The following ZDHHC21 variants were observed in gnomAD, a reference collection of about 807,000 sequenced individuals.
The protein encoded by ZDHHC21 is palmitoyltransferase ZDHHC21.
ZDHHC21 carries 15 observed loss-of-function variants against 34.6 expected under a neutral mutation model. That is an observed-to-expected ratio of 0.43 (90% CI 0.29 to 0.67). The LOEUF is 0.67. Among genes scored for constraint, ZDHHC21 ranks in the 30% least tolerant of loss-of-function variants. ZDHHC21 has a pLI of 0.14. For missense variants in ZDHHC21, 344 were observed against 327.7 expected (o/e 1.05, Z -0.38); for synonymous variants, 142 against 101.8 (o/e 1.40, Z -2.38).
At chr9:14,653,320 AC>A (rs1831590530) in intron 7 of ZDHHC21, among the ~76,000 whole-genome samples, 3 of 151,996 alleles carry the variant, frequency 2.0e-5, no homozygotes, top group Admixed American at 6.6e-5. Flanking sequence ...AGAATATTCC[AC>A]CATAAAACAT....
At chr9:14,643,913 G>A (rs555200772) in intron 7 of ZDHHC21, among the ~76,000 whole-genome samples, 125 of 152,258 alleles carry the variant, frequency 8.2e-4, no homozygotes, top group South Asian at 1.9e-3. Flanking sequence ...TTTGTAATAA[G>A]TCTCAATACC....
At chr9:14,590,984 T>C in the ZDHHC21 span, among the ~76,000 whole-genome samples, 1 of 151,958 alleles carries the variant, frequency 6.6e-6, no homozygotes, top group East Asian at 1.9e-4. Context: ...AAGGGGGAAA[T>C]AGAAGCAAAA....
chr9:14,598,589 A>G, the ZDHHC21 span, among the ~76,000 whole-genome samples: 3 of 152,200 alleles, frequency 2.0e-5, no homozygotes, highest in African/African-American at 7.2e-5. Context: ...ATGATTCTCC[A>G]TCAAAAGATT....
At chr9:14,688,460 GC>G (rs1370130290) in intron 2 of ZDHHC21, among the ~76,000 whole-genome samples, 6 of 150,846 alleles carry the variant, frequency 4.0e-5, no homozygotes, top group African/African-American at 1.5e-4. Context: ...GCCTGCTCTT[GC>G]CTGTGATCAT....
chr9:14,678,764 T>C (rs1836862048), intron 3 of ZDHHC21, among the ~76,000 whole-genome samples: 1 of 152,132 alleles, frequency 6.6e-6, no homozygotes, highest in South Asian at 2.1e-4. Context: ...ACAATCTAAA[T>C]GTCCATGTAG....
intron 5 of ZDHHC21, among the ~76,000 whole-genome samples, chr9:14,669,929 C>T (rs1464731441): frequency 6.8e-6 from 1 of 147,854 alleles, no homozygotes; most frequent in Admixed American, 6.7e-5. Context: ...GGGTGCAGTG[C>T]ACCAGCATGG....
chr9:14,641,311 C>A (rs1437188721), intron 7 of ZDHHC21, among the ~76,000 whole-genome samples: 1 of 152,114 alleles, frequency 6.6e-6, no homozygotes, highest in Admixed American at 6.6e-5. Context: ...ATTAGGCAAT[C>A]ATTTCAAAAC....
intron 5 of ZDHHC21, among the ~76,000 whole-genome samples, chr9:14,665,606 G>A (rs867340552): frequency 0.02 from 2,971 of 145,146 alleles, 72 homozygotes; most frequent in African/African-American, 0.055. Flanking sequence ...GAGAAAGGTC[G>A]GGTTACCCTC....
chr9:14,624,120 G>C (rs1825804619), intron 8 of ZDHHC21, among the ~76,000 whole-genome samples: 1 of 151,772 alleles, frequency 6.6e-6, no homozygotes, highest in African/African-American at 2.4e-5. Flanking sequence ...ATAATAATAT[G>C]AATTAAAATA....
rs1352385140 is a variant in ZDHHC21, at chr9:14,693,160, A to ATGGGGG, written c.-225+63_-225+68dup. ...CGGCAGAGCGGAGCGGGGGCCGGGG[A>ATGGGGG]TGGGGGTGGGGGTGCGGATGGGGAT... On this transcript the variant is annotated intron_variant, in intron 1 of 9. Transcript: ENST00000380916. The ATGGGGG allele has an allele frequency of 7.0e-4, 108 of 153,728 alleles. 4 individuals carry two copies. The highest frequency in any genetic ancestry group is 4.3e-3 in the Middle Eastern group (2 of 460). 9.5% of individuals were successfully genotyped at this position (153,728 alleles called of 1,614,324 possible).
intron 1 of ZDHHC21, among the ~76,000 whole-genome samples, chr9:14,692,380 T>C (rs1351323414): frequency 6.6e-6 from 1 of 152,194 alleles, no homozygotes; most frequent in Non-Finnish European, 1.5e-5. Context: ...TGCACTTAAT[T>C]ATCCTTAGTC....
At chr9:14,641,919 G>A (rs940036551) in intron 7 of ZDHHC21, among the ~76,000 whole-genome samples, 2 of 152,078 alleles carry the variant, frequency 1.3e-5, no homozygotes, top group African/African-American at 2.4e-5. Context: ...TTTAATGCAC[G>A]GTTTTACACA....
At chr9:14,593,334 T>C in the ZDHHC21 span, among the ~76,000 whole-genome samples, 9 of 152,254 alleles carry the variant, frequency 5.9e-5, no homozygotes, top group South Asian at 1.9e-3. Flanking sequence ...ACTACAAAAA[T>C]TGAAAGGATT....
At chr9:14,609,080 T>A (rs1823114513), downstream of ZDHHC21, among the ~76,000 whole-genome samples, 1 of 117,090 alleles carries the variant, frequency 8.5e-6, no homozygotes, top group African/African-American at 2.9e-5. Flanking sequence ...CTTCCCCAAT[T>A]GTTTCCTCCC....
intron 7 of ZDHHC21, among the ~76,000 whole-genome samples, chr9:14,653,569 G>A (rs919466008): frequency 8.6e-5 from 13 of 150,534 alleles, no homozygotes; most frequent in African/African-American, 3.2e-4. Flanking sequence ...TGTTTTTTTT[G>A]CCCAGCAATG....
intron 3 of ZDHHC21, among the ~76,000 whole-genome samples, 199 bp from the exon 4 acceptor site, chr9:14,674,584 A>T (rs1349635842): frequency 6.6e-6 from 1 of 152,044 alleles, no homozygotes; most frequent in East Asian, 1.9e-4. Flanking sequence ...CAGAAGTTTC[A>T]GGATATTCAA....
rs1314341684 is a variant in ZDHHC21 at position 14,616,757 on chromosome 9, G to A, written c.*2209C>T. The A allele has an allele frequency of 1.3e-5, 2 of 150,944 alleles. No homozygotes were observed. The highest frequency in any genetic ancestry group is 3.9e-4 in the East Asian group (2 of 5,180). The allele number at this position is 150,944 out of a possible 1,614,324, so 9.4% of individuals were successfully genotyped here. On this transcript the variant is annotated 3_prime_UTR_variant, in exon 10 of 10. Transcript: ENST00000380916. The stretch of plus-strand genomic sequence containing the variant: ...ACATTCTTATGTATATATACTGATA[G>A]ATAGCATTTCTGCATTCAAATAAAA...
chr9:14,613,025 AAAC>A lies in ZDHHC21; in HGVS notation c.*5938_*5940del, dbSNP rs1182910589. ...CTTTTTATTCATTGTTGCAGAAATA[AAAC>A]AACTTGTGAAAAGTGCTTCAATTAT... On this transcript the variant is annotated 3_prime_UTR_variant, in exon 10 of 10. Coordinates refer to ENST00000380916, the MANE Select transcript of ZDHHC21 (RefSeq NM_178566.6). 1 of 151,858 alleles carries A rather than the reference AAAC, an allele frequency of 6.6e-6. No individual in the cohort carries two copies. Among genetic ancestry groups the A allele is most frequent in the Non-Finnish European group, 1.5e-5 (1 of 67,860 alleles). 9.4% of individuals were successfully genotyped at this position (151,858 alleles called of 1,614,324 possible).
chr9:14,597,103 C>T, the ZDHHC21 span, among the ~76,000 whole-genome samples: 5 of 152,234 alleles, frequency 3.3e-5, no homozygotes, highest in African/African-American at 1.2e-4. Flanking sequence ...AGGGAAATGC[C>T]TGAAGTCCAT....
Sources: allele counts gnomAD v4.1 joint callset (sites outside exome capture counted in the v4.1 genomes callset), GRCh38; gene constraint gnomAD v4.1.1; transcripts MANE v1.5; gene names NCBI Gene and HGNC (gene_info 2026-07-23, HGNC 2026-07-21).